The following SAMD13 variants were observed in gnomAD, a reference collection of about 807,000 sequenced individuals.
SAMD13 encodes sterile alpha motif domain containing 13, also known as sterile alpha motif domain-containing protein 13.
In SAMD13, 9 loss-of-function variants were observed where a neutral mutation model predicts 12.4. That is an observed-to-expected ratio of 0.72 (90% CI 0.44 to 1.26). SAMD13 has a LOEUF of 1.26. Among genes scored for constraint, SAMD13 ranks in the 50% most tolerant of loss-of-function variants. SAMD13 has a pLI of 0.00. For synonymous variants in SAMD13, 46 were observed against 45.4 expected, an observed-to-expected ratio of 1.01 and a Z score of -0.05; for missense variants, 84 against 119.6, an observed-to-expected ratio of 0.70 and a Z score of 1.39.
intron 3 of SAMD13, among the ~76,000 whole-genome samples, chr1:84,342,167 A>G (rs1679441214): frequency 6.6e-6 from 1 of 152,178 alleles, no homozygotes; most frequent in South Asian, 2.1e-4. Context: ...ACATGGCCAC[A>G]CTAAGTTTCA....
upstream of SAMD13, chr1:84,299,673 A>ATATT (rs752937628): frequency 6.8e-3 from 6,098 of 900,094 alleles, 33 homozygotes; most frequent in Non-Finnish European, 7.5e-3. Context: ...ATATATATAT[A>ATATT]TATTTATTTA....
chr1:84,312,737 A>G (rs1173184050), intron 2 of SAMD13, among the ~76,000 whole-genome samples: 1 of 152,192 alleles, frequency 6.6e-6, no homozygotes. Flanking sequence ...TGTGTTTAAC[A>G]TAAACATATT....
At chr1:84,339,961 T>C (rs1679388811) in intron 3 of SAMD13, among the ~76,000 whole-genome samples, 1 of 152,194 alleles carries the variant, frequency 6.6e-6, no homozygotes, top group South Asian at 2.1e-4. Flanking sequence ...GGAGCAAGGA[T>C]GTGGAGAAAT....
chr1:84,325,128 A>C (rs965979346), intron 2 of SAMD13, among the ~76,000 whole-genome samples: 1 of 152,184 alleles, frequency 6.6e-6, no homozygotes, highest in Non-Finnish European at 1.5e-5. Flanking sequence ...TGGAAGAGCC[A>C]GAAAAAATGC....
chr1:84,341,453 G>A (rs1056934880), intron 3 of SAMD13, among the ~76,000 whole-genome samples: 1 of 152,136 alleles, frequency 6.6e-6, no homozygotes, highest in Non-Finnish European at 1.5e-5. Flanking sequence ...TTGGTACACT[G>A]CAAATGTGAT....
chr1:84,326,940 A>G (rs1471549820), intron 3 of SAMD13, among the ~76,000 whole-genome samples: 2 of 152,154 alleles, frequency 1.3e-5, no homozygotes, highest in African/African-American at 2.4e-5. Flanking sequence ...AAATTTCTTC[A>G]TACCTACCAG....
At position 84,350,778 on chromosome 1, in the gene SAMD13, A is replaced by G. The variant is rs965446193; in HGVS notation, c.*1004A>G. ...GTTGAATTGGTGCTTTGTGGTTGCAATAAAGCATTGCTTCAGTTTATTGCC... is the reference window on the plus strand; with the variant it reads ...GTTGAATTGGTGCTTTGTGGTTGCAGTAAAGCATTGCTTCAGTTTATTGCC... On this transcript the variant is annotated 3_prime_UTR_variant, in exon 4 of 4. Transcript: ENST00000394834. 3.9e-5 allele frequency: 6 copies of G among 152,604 alleles called. No homozygotes were observed. Among genetic ancestry groups the G allele is most frequent in the Admixed American group, 3.3e-4 (5 of 15,278 alleles). The allele number at this position is 152,604 out of a possible 1,614,324, so 9.5% of individuals were successfully genotyped here.
intron 3 of SAMD13, among the ~76,000 whole-genome samples, chr1:84,336,849 C>T (rs1388997841): frequency 1.3e-5 from 2 of 152,190 alleles, no homozygotes; most frequent in Non-Finnish European, 1.5e-5. Flanking sequence ...CAGTTAGTTA[C>T]TTCCTAGATA....
chr1:84,320,984 G>A (rs548381897), intron 2 of SAMD13, among the ~76,000 whole-genome samples: 1 of 152,248 alleles, frequency 6.6e-6, no homozygotes, highest in South Asian at 2.1e-4. Context: ...TAGAAAAACA[G>A]TTTCAACTAT....
At chr1:84,304,826 A>G (rs1678532396) in intron 2 of SAMD13, among the ~76,000 whole-genome samples, 1 of 152,134 alleles carries the variant, frequency 6.6e-6, no homozygotes, top group African/African-American at 2.4e-5. Context: ...GGATTTATCC[A>G]TGTTATTGTG....
In SAMD13 at chr1:84,306,579, A is replaced by C. The variant is rs185925042; in HGVS notation, c.53+3292A>C. Among the ~76,000 whole-genome samples, 210 of 147,604 alleles carry C rather than the reference A, an allele frequency of 1.4e-3. 1 individual carries two copies. The highest frequency in any genetic ancestry group is 7.9e-3 in the Admixed American group (112 of 14,264). On this transcript the variant is annotated intron_variant, in intron 2 of 3. Transcript: ENST00000394834. Reference sequence around the variant, plus strand: ...TTTGGGAGGCCAAAGTGGGCAGATCACTTGAGATCAAGAGTTCGAGACTAG... The same window carrying C: ...TTTGGGAGGCCAAAGTGGGCAGATCCCTTGAGATCAAGAGTTCGAGACTAG...
chr1:84,300,764 G>A (rs1678437862), upstream of SAMD13, among the ~76,000 whole-genome samples: 1 of 152,140 alleles, frequency 6.6e-6, no homozygotes, highest in South Asian at 2.1e-4. Context: ...GAATGACCAG[G>A]GTAACTTAAA....
At chr1:84,324,247 T>C (rs535040271) in intron 2 of SAMD13, among the ~76,000 whole-genome samples, 126 of 152,280 alleles carry the variant, frequency 8.3e-4, no homozygotes, top group African/African-American at 3.0e-3. Context: ...CCCCTTTACA[T>C]AGGACCATTC....
intron 3 of SAMD13, among the ~76,000 whole-genome samples, chr1:84,335,354 A>G (rs1487053203): frequency 6.6e-6 from 1 of 152,104 alleles, no homozygotes; most frequent in Non-Finnish European, 1.5e-5. Flanking sequence ...GTCTGAAATT[A>G]GAATAGCAAA....
chr1:84,321,605 T>C (rs1237207496), intron 2 of SAMD13, among the ~76,000 whole-genome samples: 2 of 152,170 alleles, frequency 1.3e-5, no homozygotes, highest in African/African-American at 4.8e-5. Flanking sequence ...TTGATATGCA[T>C]AGGTCATAAG....
rs1053502532 is a variant in SAMD13 at position 84,325,572 on chromosome 1, T to A, written c.54-65T>A. 7.3e-6 allele frequency: 7 copies of A among 961,784 alleles called. No homozygotes were observed. In the African/African-American group the frequency reaches 9.7e-5, roughly 13 times the overall value. 59.6% of individuals were successfully genotyped at this position (961,784 alleles called of 1,614,324 possible). ...AAAGGCCTGTCCCAGAAGACCCATT[T>A]GTGAGCCTGGCCACACCCTTGTGCA... On this transcript the variant is annotated intron_variant, in intron 2 of 3. Coordinates refer to ENST00000394834, the MANE Select transcript of SAMD13 (RefSeq NM_001134663.2).
chr1:84,346,727 C>T (rs1291997397), intron 3 of SAMD13, among the ~76,000 whole-genome samples: 1 of 152,172 alleles, frequency 6.6e-6, no homozygotes, highest in Non-Finnish European at 1.5e-5. Context: ...CACTTGCATC[C>T]CATGGACGTT....
At chr1:84,341,862 G>A (rs140211308) in intron 3 of SAMD13, among the ~76,000 whole-genome samples, 4 of 152,270 alleles carry the variant, frequency 2.6e-5, no homozygotes, top group South Asian at 2.1e-4. Context: ...AATGGTTGGT[G>A]TATTAAAGTA....
chr1:84,330,022 T>G (rs182047062), intron 3 of SAMD13, among the ~76,000 whole-genome samples: 5 of 152,268 alleles, frequency 3.3e-5, no homozygotes, highest in Non-Finnish European at 7.4e-5. Context: ...CAGTACCACC[T>G]CTCTTTCCCA....
Sources: allele counts gnomAD v4.1 joint callset (sites outside exome capture counted in the v4.1 genomes callset), GRCh38; gene constraint gnomAD v4.1.1; transcripts MANE v1.5; gene names NCBI Gene and HGNC (gene_info 2026-07-23, HGNC 2026-07-21).